The following SEZ6L variants were observed in gnomAD, a reference collection of about 807,000 sequenced individuals.
The protein encoded by SEZ6L is seizure 6-like protein.
In SEZ6L, 37 loss-of-function variants were observed where a neutral mutation model predicts 106.2. That is an observed-to-expected ratio of 0.35 (90% CI 0.27 to 0.46). SEZ6L has a LOEUF of 0.46. Among genes scored for constraint, SEZ6L ranks in the 20% least tolerant of loss-of-function variants. The probability of loss-of-function intolerance (pLI) is 1.00; values close to 1 mark genes in which losing one functional copy is unlikely to be tolerated. For synonymous variants in SEZ6L, 541 were observed against 570.4 expected (o/e 0.95, Z 0.73); for missense variants, 1,172 against 1,332.8 (o/e 0.88, Z 1.88).
At chr22:26,207,913 T>C (rs1941360621) in intron 1 of SEZ6L, among the ~76,000 whole-genome samples, 1 of 46,292 alleles carries the variant, frequency 2.2e-5, no homozygotes, top group Admixed American at 1.6e-4. Context: ...CATGTGTATT[T>C]TTTTTTTTTT....
chr22:26,310,574 G>A (rs1304445609), intron 6 of SEZ6L, 96 bp from the exon 7 acceptor site: 2 of 1,342,120 alleles, frequency 1.5e-6, no homozygotes, highest in Non-Finnish European at 2.1e-6. Context: ...ATCCGGTAAT[G>A]AGGCTCCAGA....
intron 11 of SEZ6L, among the ~76,000 whole-genome samples, chr22:26,349,597 C>A (rs755561521): frequency 6.6e-6 from 1 of 152,188 alleles, no homozygotes; most frequent in African/African-American, 2.4e-5. Flanking sequence ...AGGTTTTGGG[C>A]TCAAGCAGTC....
chr22:26,374,314 G>A (rs1396528495), intron 14 of SEZ6L, among the ~76,000 whole-genome samples: 1 of 148,438 alleles, frequency 6.7e-6, no homozygotes, highest in Non-Finnish European at 1.5e-5. Flanking sequence ...ATTATTCCTG[G>A]AGCCATCTTT....
At chr22:26,199,572 C>G (rs9613126) in intron 1 of SEZ6L, among the ~76,000 whole-genome samples, 2 of 152,062 alleles carry the variant, frequency 1.3e-5, no homozygotes, top group South Asian at 4.2e-4. Context: ...AATTGATTCT[C>G]TCATATGTGA....
chr22:26,340,060 C>G (rs1223841810), intron 9 of SEZ6L, among the ~76,000 whole-genome samples: 2 of 152,066 alleles, frequency 1.3e-5, no homozygotes, highest in African/African-American at 4.8e-5. Context: ...CACGGTGAAA[C>G]CCCATCTCTA....
At chr22:26,346,194 A>G (rs1344131171) in intron 10 of SEZ6L, among the ~76,000 whole-genome samples, 1 of 151,596 alleles carries the variant, frequency 6.6e-6, no homozygotes, top group Non-Finnish European at 1.5e-5. Context: ...TACCTGGCTC[A>G]TTTTTTTGGT....
At chr22:26,351,275 T>C (rs150027503) in intron 12 of SEZ6L, 32 bp downstream of exon 12, 1 of 1,597,326 alleles carries the variant, frequency 6.3e-7, no homozygotes, top group Non-Finnish European at 8.6e-7. Context: ...GGGCCCCCAG[T>C]AGGTAGAAGC....
chr22:26,217,097 T>A (rs941923463), intron 1 of SEZ6L, among the ~76,000 whole-genome samples: 7 of 152,200 alleles, frequency 4.6e-5, no homozygotes, highest in African/African-American at 1.7e-4. Context: ...AGTAACTCAC[T>A]AATTATCATC....
At chr22:26,189,020 C>T (rs1939998575) in intron 1 of SEZ6L, among the ~76,000 whole-genome samples, 1 of 152,176 alleles carries the variant, frequency 6.6e-6, no homozygotes, top group Non-Finnish European at 1.5e-5. Flanking sequence ...CGTTACCTTA[C>T]TTTGCTATTC....
At chr22:26,259,534 T>G (rs964329376) in intron 1 of SEZ6L, among the ~76,000 whole-genome samples, 5 of 151,950 alleles carry the variant, frequency 3.3e-5, no homozygotes, top group African/African-American at 1.2e-4. Context: ...GTACAAATAT[T>G]GAAACAACAG....
chr22:26,345,608 AT>A (rs765887968), intron 10 of SEZ6L, among the ~76,000 whole-genome samples: 1 of 152,008 alleles, frequency 6.6e-6, no homozygotes, highest in Non-Finnish European at 1.5e-5. Flanking sequence ...TCTCGAAGCT[AT>A]TTTTTTACCC....
chr22:26,266,920 C>T (rs1435621225), intron 1 of SEZ6L, among the ~76,000 whole-genome samples: 1 of 152,066 alleles, frequency 6.6e-6, no homozygotes, highest in Non-Finnish European at 1.5e-5. Context: ...GAAGAAGCAC[C>T]TATTTCTATC....
chr22:26,234,763 A>G (rs1022042248), intron 1 of SEZ6L, among the ~76,000 whole-genome samples: 4 of 152,276 alleles, frequency 2.6e-5, no homozygotes, highest in African/African-American at 7.2e-5. Context: ...CAAATAGAGC[A>G]CAGCCCCTGT....
chr22:26,342,070 C>T (rs1601551431), intron 10 of SEZ6L, among the ~76,000 whole-genome samples: 1 of 152,212 alleles, frequency 6.6e-6, no homozygotes, highest in African/African-American at 2.4e-5. Context: ...ATCCCTAGCT[C>T]CAAAGCTTCC....
At chr22:26,171,071 G>GC (rs1938571009) in intron 1 of SEZ6L, among the ~76,000 whole-genome samples, 1 of 152,128 alleles carries the variant, frequency 6.6e-6, no homozygotes, top group South Asian at 2.1e-4. Context: ...GCCCCCCTCA[G>GC]CATAAATCAG....
intron 1 of SEZ6L, among the ~76,000 whole-genome samples, chr22:26,201,435 C>T (rs1485615200): frequency 2.7e-5 from 4 of 148,940 alleles, no homozygotes. Context: ...GTGGCTTGTG[C>T]CTGTAATCCC....
rs773191087 is a variant in SEZ6L, at chr22:26,365,556, C to A, written c.2784C>A (p.Pro928=). 7.4e-6 allele frequency: 12 copies of A among 1,613,426 alleles called. No individual in the cohort carries two copies. The highest frequency in any genetic ancestry group is 1.0e-5 in the Non-Finnish European group (12 of 1,179,558). The change falls in exon 13 of 17, where the codon CCC becomes CCA. Residue 928 remains proline (P), a synonymous_variant. Coordinates refer to ENST00000248933, the MANE Select transcript of SEZ6L (RefSeq NM_021115.5). ...GQPSHWNGPL[P]VCKVNQDSFE... ...CATCCCACTGGAACGGGCCCCTGCC[C>A]GTGTGTAAAGGTAAAGAAACCTACT...
At chr22:26,368,369 A>G (rs2083890067) in intron 13 of SEZ6L, among the ~76,000 whole-genome samples, 1 of 152,254 alleles carries the variant, frequency 6.6e-6, no homozygotes, top group Admixed American at 6.5e-5. Flanking sequence ...CCAACTGATG[A>G]ATGGATAAAC....
At chr22:26,313,972 C>T in intron 9 of SEZ6L, 70 bp downstream of exon 9, 1 of 1,488,474 alleles carries the variant, frequency 6.7e-7, no homozygotes, top group South Asian at 1.2e-5. Flanking sequence ...ATTGCTCCTG[C>T]TTTATTCTTT....
Sources: gnomAD v4.1 joint callset for allele counts (sites outside exome capture counted in the v4.1 genomes callset) on GRCh38, gnomAD v4.1.1 for gene constraint, MANE v1.5 for transcripts, NCBI Gene and HGNC (gene_info 2026-07-23, HGNC 2026-07-21) for gene names.